CHRM3: variants seen among roughly 807,000 people sequenced by gnomAD.
The protein encoded by CHRM3 is muscarinic acetylcholine receptor M3.
In CHRM3, 11 loss-of-function variants were observed where a neutral mutation model predicts 41.8. That is an observed-to-expected ratio of 0.26 (90% CI 0.17 to 0.44). The LOEUF (loss-of-function observed/expected upper bound fraction) is 0.44, where lower values mean the gene tolerates loss of function less well. CHRM3 is among the 20% of genes least tolerant of loss of function. CHRM3 has a pLI of 1.00. For synonymous variants in CHRM3, 297 were observed against 301.4 expected (o/e 0.99, Z 0.15); for missense variants, 571 against 745.4 (o/e 0.77, Z 2.72).
At chr1:239,463,183 A>C (rs1354482308) in intron 1 of CHRM3, among the ~76,000 whole-genome samples, 1 of 152,182 alleles carries the variant, frequency 6.6e-6, no homozygotes, top group Non-Finnish European at 1.5e-5. Context: ...TTATAGATAC[A>C]GATAGAGTGA....
chr1:239,591,928 G>C (rs1446475714), intron 3 of CHRM3, among the ~76,000 whole-genome samples: 2 of 152,160 alleles, frequency 1.3e-5, no homozygotes, highest in Non-Finnish European at 2.9e-5. Context: ...GGTTGGCTTA[G>C]GCCCAGGAAA....
At chr1:239,407,689 G>A (rs919018080) in intron 1 of CHRM3, among the ~76,000 whole-genome samples, 1 of 151,920 alleles carries the variant, frequency 6.6e-6, no homozygotes, top group African/African-American at 2.4e-5. Flanking sequence ...AACTAAATTA[G>A]CACATTCGAT....
chr1:239,719,040 G>T (rs2148315053), intron 5 of CHRM3: 1 of 152,106 alleles, frequency 6.6e-6, no homozygotes, highest in Non-Finnish European at 1.5e-5. Context: ...GAGAGGTCCA[G>T]TGTAGAATAA....
intron 4 of CHRM3, among the ~76,000 whole-genome samples, chr1:239,648,883 T>C (rs1671991464): frequency 6.6e-6 from 1 of 152,138 alleles, no homozygotes; most frequent in African/African-American, 2.4e-5. Context: ...CATGAATCAG[T>C]GATGTGTAGG....
At chr1:239,809,021 T>TTTG (rs1670893883) in intron 5 of CHRM3, among the ~76,000 whole-genome samples, 4 of 95,380 alleles carry the variant, frequency 4.2e-5, no homozygotes, top group African/African-American at 1.3e-4. Flanking sequence ...TGAAGTCCAT[T>TTTG]TTTTTTTTTT....
intron 2 of CHRM3, among the ~76,000 whole-genome samples, chr1:239,502,053 C>T (rs1668276802): frequency 6.6e-6 from 1 of 151,892 alleles, no homozygotes; most frequent in Admixed American, 6.6e-5. Flanking sequence ...CCAAACCCAG[C>T]AGAAGAAAGG....
chr1:239,709,403 C>G (rs145387570), intron 5 of CHRM3, among the ~76,000 whole-genome samples: 299 of 152,272 alleles, frequency 2.0e-3, no homozygotes, highest in Admixed American at 7.9e-3. Context: ...CTCATTGTAC[C>G]CACCTACCCT....
intron 3 of CHRM3, among the ~76,000 whole-genome samples, chr1:239,575,031 G>A (rs1246791349): frequency 1.3e-5 from 2 of 152,186 alleles, no homozygotes; most frequent in African/African-American, 2.4e-5. Context: ...TTTTATAGTG[G>A]TAGAATCTAT....
Position 239,912,067 on chromosome 1 carries a change from A to C in CHRM3, c.*2843A>C, listed in dbSNP as rs961580962. Reference sequence around the variant, plus strand: ...TGAGGTTTGCAGACATTTCAAGATTAGCCACTTTGCTTGAAAGAAGAAAAT... The same window carrying C: ...TGAGGTTTGCAGACATTTCAAGATTCGCCACTTTGCTTGAAAGAAGAAAAT... On this transcript the variant is annotated 3_prime_UTR_variant, in exon 7 of 7. Transcript: ENST00000676153. 2 of 167,226 alleles carry C rather than the reference A, an allele frequency of 1.2e-5. No individual in the cohort carries two copies. Among genetic ancestry groups the C allele is most frequent in the Admixed American group, 6.5e-5 (1 of 15,308 alleles). The allele number at this position is 167,226 out of a possible 1,614,324, so 10.4% of individuals were successfully genotyped here. A position where few individuals can be genotyped will look rare whatever the true frequency, so the allele number is the denominator to read the frequency against.
Position 239,908,930 on chromosome 1 carries a change from C to T in CHRM3, c.1479C>T (p.Leu493=). 6.2e-7 allele frequency: 1 copy of T among 1,614,136 alleles called. No individual in the cohort carries two copies. The change falls in exon 7 of 7, where the codon CTC becomes CTT. Residue 493 remains leucine, a synonymous_variant. Transcript: ENST00000676153. The surrounding 1 kb of genome is among the most constrained non-coding windows in gnomAD (Gnocchi z 7.2). ...AGGAGAAGAAAGCGGCCCAGACCCTCAGTGCGATCTTGCTTGCCTTCATCA... is the reference window on the plus strand; with the variant it reads ...AGGAGAAGAAAGCGGCCCAGACCCTTAGTGCGATCTTGCTTGCCTTCATCA... ...LVKEKKAAQT[L]SAILLAFIIT... is the part of the protein sequence containing the mutation.
intron 1 of CHRM3, among the ~76,000 whole-genome samples, chr1:239,431,316 G>A (rs1374661895): frequency 6.6e-6 from 1 of 152,048 alleles, no homozygotes; most frequent in Non-Finnish European, 1.5e-5. Context: ...AGATGTTCAA[G>A]TCTGCTTAAT....
At chr1:239,843,783 C>T (rs962674998) in intron 6 of CHRM3, among the ~76,000 whole-genome samples, 20 of 152,004 alleles carry the variant, frequency 1.3e-4, no homozygotes, top group African/African-American at 3.9e-4. Flanking sequence ...GTTTTAGTTT[C>T]TCTTTCAATA....
At chr1:239,823,528 G>A (rs1415013161) in intron 5 of CHRM3, among the ~76,000 whole-genome samples, 1 of 152,050 alleles carries the variant, frequency 6.6e-6, no homozygotes, top group Non-Finnish European at 1.5e-5. Flanking sequence ...ATGCCTTCAT[G>A]CCTGATCCCC....
chr1:239,648,475 A>G (rs1361707213), intron 4 of CHRM3, among the ~76,000 whole-genome samples: 1 of 152,158 alleles, frequency 6.6e-6, no homozygotes, highest in Non-Finnish European at 1.5e-5. Flanking sequence ...TGTGGACAAC[A>G]CAAGAGAATA....
chr1:239,423,968 T>G (rs1282243827), intron 1 of CHRM3, among the ~76,000 whole-genome samples: 1 of 144,326 alleles, frequency 6.9e-6, no homozygotes, highest in Non-Finnish European at 1.5e-5. Context: ...GGCAGGAGAA[T>G]GGCGTGAACC....
intron 2 of CHRM3, among the ~76,000 whole-genome samples, chr1:239,532,552 G>C (rs995287038): frequency 7.3e-5 from 11 of 150,790 alleles, no homozygotes; most frequent in Non-Finnish European, 1.6e-4. Context: ...GTGAACCCGG[G>C]AGGCAGAGGT....
At chr1:239,872,995 C>T (rs1399096336) in intron 6 of CHRM3, among the ~76,000 whole-genome samples, 3 of 151,998 alleles carry the variant, frequency 2.0e-5, no homozygotes, top group East Asian at 1.9e-4. Context: ...AGTTGTCTCT[C>T]GAGTGTACTT....
At position 239,909,334 on chromosome 1, in the gene CHRM3, C is replaced by T; in HGVS notation, c.*110C>T. The T allele has an allele frequency of 2.6e-6, 3 of 1,143,752 alleles. No homozygotes were observed. Among genetic ancestry groups the T allele is most frequent in the Non-Finnish European group, 3.7e-6 (3 of 816,490 alleles). 70.9% of individuals were successfully genotyped at this position (1,143,752 alleles called of 1,614,324 possible). On this transcript the variant is annotated 3_prime_UTR_variant, in exon 7 of 7. Transcript: ENST00000676153. ...CTGGTGATGATAAAAATGGTTTTATCACCCAGATGTGAAAGAAGCTGCCTG... is the reference window on the plus strand; with the variant it reads ...CTGGTGATGATAAAAATGGTTTTATTACCCAGATGTGAAAGAAGCTGCCTG...
chr1:239,497,668 T>C (rs1303379854), intron 2 of CHRM3, among the ~76,000 whole-genome samples: 1 of 152,158 alleles, frequency 6.6e-6, no homozygotes, highest in Admixed American at 6.5e-5. Flanking sequence ...AGAGGTAAAA[T>C]GAAGTATAAA....
Sources: gnomAD v4.1 joint callset for allele counts (sites outside exome capture counted in the v4.1 genomes callset) on GRCh38, gnomAD v4.1.1 for gene constraint, Gnocchi (gnomAD v3.1) non-coding constraint, MANE v1.5 for transcripts, NCBI Gene and HGNC (gene_info 2026-07-23, HGNC 2026-07-21) for gene names.